The following ZNF500 variants were observed in gnomAD, a reference collection of about 807,000 sequenced individuals.
ZNF500 encodes the protein zinc finger protein 500.
ZNF500 carries 31 observed loss-of-function variants against 30.1 expected under a neutral mutation model. That is an observed-to-expected ratio of 1.03 (90% CI 0.77 to 1.39). The LOEUF is 1.39. Ranked by LOEUF, ZNF500 falls within the 40% of genes most tolerant of loss-of-function variation. ZNF500 has a pLI of 0.00. For synonymous variants in ZNF500, 392 were observed against 282.0 expected (o/e 1.39, Z -3.91); for missense variants, 817 against 657.8 (o/e 1.24, Z -2.65).
intron 4 of ZNF500, among the ~76,000 whole-genome samples, chr16:4,761,514 C>T (rs893415022): frequency 7.9e-5 from 11 of 140,076 alleles, no homozygotes; most frequent in Admixed American, 2.1e-4. Flanking sequence ...CACACACACA[C>T]ACACACACAC....
In ZNF500 at chr16:4,753,065, CAG is replaced by C. The variant is rs1305082898; in HGVS notation, c.761-9_761-8del. 6.6e-7 allele frequency: 1 copy of C among 1,508,042 alleles called. No individual in the cohort carries two copies. The allele number at this position is 1,508,042 out of a possible 1,614,324, so 93.4% of individuals were successfully genotyped here. On this transcript the variant is annotated splice_region_variant and splice_polypyrimidine_tract_variant and intron_variant, in intron 5 of 5. Transcript: ENST00000219478. The stretch of plus-strand genomic sequence containing the variant: ...TCCAACTGGATCCCAGGTCCTGAGA[CAG>C]AGAAAGCACGATCTCTAGGAACTCA...
At position 4,750,111 on chromosome 16, in the gene ZNF500, C is replaced by T. The variant is rs923661612; in HGVS notation, c.*2265G>A. On this transcript the variant is annotated 3_prime_UTR_variant, in exon 6 of 6. Coordinates refer to ENST00000219478, the MANE Select transcript of ZNF500 (RefSeq NM_021646.4). ...ACAGGCCTGGATATGAGAGAGGGGC[C>T]TGGGGGCTCAGGCTGCGCTGGGGAG... The T allele has an allele frequency of 3.9e-5, 6 of 152,564 alleles. No individual in the cohort carries two copies. The highest frequency in any genetic ancestry group is 5.9e-5 in the Non-Finnish European group (4 of 68,374). 9.5% of individuals were successfully genotyped at this position (152,564 alleles called of 1,614,324 possible).
chr16:4,754,678 A>T (rs192494244), intron 5 of ZNF500, among the ~76,000 whole-genome samples: 2,959 of 151,850 alleles, frequency 0.019, 37 homozygotes, highest in African/African-American at 0.029. Context: ...AAATAAAAAA[A>T]AAAAAAATAG....
chr16:4,765,764 C>G lies in ZNF500; in HGVS notation c.215G>C (p.Trp72Ser), dbSNP rs914719583. ...CCGCAGCCAGCGGCAGCACAGCTCC[C>G]AGAGGCGGCTCAGGGCCTCCCGGGG... The part of the protein sequence containing the change: ...AGPREALSRL[W>S]ELCCRWLRPE... Residue 72 changes from tryptophan to serine, a missense_variant, in exon 2 of 6, where the codon TGG becomes TCG. Transcript: ENST00000219478. The G allele has an allele frequency of 6.2e-7, 1 of 1,612,970 alleles. No homozygotes were observed. Among genetic ancestry groups the G allele is most frequent in the South Asian group, 1.1e-5 (1 of 91,050 alleles).
At chr16:4,747,454 C>T, downstream of ZNF500, 1 of 1,613,164 alleles carries the variant, frequency 6.2e-7, no homozygotes, top group Non-Finnish European at 8.5e-7. Context: ...GGGCTCAGGC[C>T]CCTGAAGACA....
chr16:4,765,590 C>A lies in ZNF500; in HGVS notation c.389G>T (p.Arg130Leu), dbSNP rs751375510. ...CCGCTGCCTGTGTTTCCTGGGCTTC[C>A]GCTGCAGCCCTTCCACAAGGACCAC... Reference protein sequence around the residue: ...EAVVLVEGLQRKPRKHRQRGS... With the variant: ...EAVVLVEGLQLKPRKHRQRGS... Residue 130 changes from arginine to leucine, a missense_variant, in exon 2 of 6, where the codon CGG becomes CTG. Arg to Leu is a moderately radical substitution (Grantham distance 102). Coordinates refer to ENST00000219478, the MANE Select transcript of ZNF500 (RefSeq NM_021646.4). 1.9e-6 allele frequency: 3 copies of A among 1,604,342 alleles called. No individual in the cohort carries two copies. In the African/African-American group the frequency reaches 4.0e-5, roughly 21 times the overall value.
At chr16:4,744,371 G>C (rs2081986382), downstream of ZNF500, among the ~76,000 whole-genome samples, 1 of 152,166 alleles carries the variant, frequency 6.6e-6, no homozygotes, top group South Asian at 2.1e-4. Context: ...AATCTGAAAA[G>C]CTGGAAACAA....
intron 2 of ZNF500, 159 bp from the exon 3 acceptor site, chr16:4,762,915 C>T: frequency 1.0e-6 from 1 of 985,394 alleles, no homozygotes; most frequent in Non-Finnish European, 1.2e-6. Context: ...GCAGTGTTCC[C>T]TGCAGCCAGC....
rs2082087914 is a variant in ZNF500 at position 4,752,267 on chromosome 16, T to C, written c.*109A>G. On this transcript the variant is annotated 3_prime_UTR_variant, in exon 6 of 6. Transcript: ENST00000219478. ...CCCCTGCTGGCCTCATACTGGGCCA[T>C]GGGAGGAAACGGGCAGCTGGCAATG... 1.4e-6 allele frequency: 2 copies of C among 1,429,604 alleles called. No homozygotes were observed. The highest frequency in any genetic ancestry group is 2.9e-5 in the Admixed American group (1 of 34,896). 88.6% of individuals were successfully genotyped at this position (1,429,604 alleles called of 1,614,324 possible).
intron 1 of ZNF500, among the ~76,000 whole-genome samples, chr16:4,766,729 G>C (rs2082268432): frequency 6.6e-6 from 1 of 152,200 alleles, no homozygotes; most frequent in Non-Finnish European, 1.5e-5. Flanking sequence ...ATGAAAAGTA[G>C]GGCCTTTCTG....
chr16:4,753,111 A>C, intron 5 of ZNF500, 53 bp from the exon 6 acceptor site: 1 of 1,493,700 alleles, frequency 6.7e-7, no homozygotes, highest in South Asian at 1.4e-5. Context: ...GGGCAAGGGA[A>C]ATCCTTCTAA....
At chr16:4,753,123 A>G in intron 5 of ZNF500, 65 bp from the exon 6 acceptor site, 1 of 1,489,942 alleles carries the variant, frequency 6.7e-7, no homozygotes, top group Non-Finnish European at 8.9e-7. Context: ...TCCTTCTAAT[A>G]GGAAAATGAA....
rs1343810427 is a variant in ZNF500 at position 4,748,396 on chromosome 16, C to T, written c.*3980G>A. ...GAGGAGTAACGAGAATTTGCTTTCT[C>T]TTTCTCTTCTTTACCTAAGATAGAA... On this transcript the variant is annotated 3_prime_UTR_variant, in exon 6 of 6. Coordinates refer to ENST00000219478, the MANE Select transcript of ZNF500 (RefSeq NM_021646.4). 1 of 152,078 alleles carries T rather than the reference C, an allele frequency of 6.6e-6. No individual in the cohort carries two copies. The highest frequency in any genetic ancestry group is 1.5e-5 in the Non-Finnish European group (1 of 68,050). 9.4% of individuals were successfully genotyped at this position (152,078 alleles called of 1,614,324 possible).
At position 4,766,062 on chromosome 16, in the gene ZNF500, G is replaced by GT. The variant is rs1567543387; in HGVS notation, c.-85dup. Reference sequence around the variant, plus strand: ...ACCTCTGGCCAGACACAGGAAGAGAGTTTTTTTCAGGGCCCTGTGGAGAGA... The same window carrying GT: ...ACCTCTGGCCAGACACAGGAAGAGAGTTTTTTTTCAGGGCCCTGTGGAGAGA... On this transcript the variant is annotated 5_prime_UTR_variant, in exon 2 of 6. Transcript: ENST00000219478. 13 of 1,455,114 alleles carry GT rather than the reference G, an allele frequency of 8.9e-6. No individual in the cohort carries two copies. Among genetic ancestry groups the GT allele is most frequent in the East Asian group, 2.3e-5 (1 of 43,254 alleles). 90.1% of individuals were successfully genotyped at this position (1,455,114 alleles called of 1,614,324 possible). A position where few individuals can be genotyped will look rare whatever the true frequency, so the allele number is the denominator to read the frequency against.
chr16:4,756,956 C>G (rs1051364637), intron 5 of ZNF500, among the ~76,000 whole-genome samples: 2 of 151,826 alleles, frequency 1.3e-5, no homozygotes, highest in Non-Finnish European at 2.9e-5. Flanking sequence ...GCACTCCAAC[C>G]TGGGTGACAG....
chr16:4,745,272 C>T (rs2075471), downstream of ZNF500, among the ~76,000 whole-genome samples: 91,093 of 152,094 alleles, frequency 0.6, 27,818 homozygotes, highest in East Asian at 0.68. Context: ...CCAAACCCAA[C>T]GGGAACCCTC....
chr16:4,746,417 G>A (rs61742417), downstream of ZNF500: 43,202 of 1,613,180 alleles, frequency 0.027, 714 homozygotes, highest in Non-Finnish European at 0.032. Context: ...GGCCAGGCCC[G>A]CAGCTGGCCC....
In ZNF500 at chr16:4,765,773, C is replaced by T. The variant is rs771418694; in HGVS notation, c.206G>A (p.Ser69Asn). The T allele has an allele frequency of 1.9e-6, 3 of 1,612,840 alleles. No individual in the cohort carries two copies. The African/African-American group carries it at 4.0e-5, about 22-fold the overall frequency. ...QEVAGPREAL[S>N]RLWELCCRWL... Reference sequence around the variant, plus strand: ...GCGGCAGCACAGCTCCCAGAGGCGGCTCAGGGCCTCCCGGGGCCCAGCCAC... The same window carrying T: ...GCGGCAGCACAGCTCCCAGAGGCGGTTCAGGGCCTCCCGGGGCCCAGCCAC... The change falls in exon 2 of 6, where the codon AGC becomes AAC. Residue 69 changes from serine (S) to asparagine (N), a missense_variant. Coordinates refer to ENST00000219478, the MANE Select transcript of ZNF500 (RefSeq NM_021646.4).
intron 5 of ZNF500, among the ~76,000 whole-genome samples, chr16:4,755,655 AT>A (rs1341178170): frequency 6.6e-6 from 1 of 152,186 alleles, no homozygotes; most frequent in African/African-American, 2.4e-5. Context: ...CTGGCAGCTC[AT>A]CAAAAGGTAA....
Sources: allele counts gnomAD v4.1 joint callset (sites outside exome capture counted in the v4.1 genomes callset), GRCh38; gene constraint gnomAD v4.1.1; transcripts MANE v1.5; gene names NCBI Gene and HGNC (gene_info 2026-07-23, HGNC 2026-07-21).